The following NRG3 variants were observed in gnomAD, a reference collection of about 807,000 sequenced individuals.
The protein encoded by NRG3 is pro-neuregulin-3, membrane-bound isoform.
A neutral mutation model predicts 66.9 loss-of-function variants in NRG3; 31 were observed. That is an observed-to-expected ratio of 0.46 (90% CI 0.35 to 0.63). The LOEUF is 0.63. Ranked by LOEUF, NRG3 falls within the 20% of genes least tolerant of loss-of-function variation. The probability of loss-of-function intolerance (pLI) is 0.00; values close to 1 mark genes in which losing one functional copy is unlikely to be tolerated. For synonymous variants in NRG3, 393 were observed against 359.4 expected (o/e 1.09, Z -1.06); for missense variants, 910 against 878.9 (o/e 1.04, Z -0.45).
At chr10:82,173,841 G>A (rs1013898020) in intron 1 of NRG3, among the ~76,000 whole-genome samples, 14 of 151,960 alleles carry the variant, frequency 9.2e-5, no homozygotes, top group African/African-American at 2.2e-4. Context: ...ATGTAGCCAC[G>A]GCCTCCTGAC....
intron 1 of NRG3, among the ~76,000 whole-genome samples, chr10:82,282,345 C>A (rs868047907): frequency 6.6e-6 from 1 of 151,996 alleles, no homozygotes; most frequent in African/African-American, 2.4e-5. Context: ...TTCACCTGCA[C>A]TGATGTGATT....
chr10:82,816,244 C>T (rs908336824), intron 3 of NRG3, among the ~76,000 whole-genome samples: 6 of 152,208 alleles, frequency 3.9e-5, no homozygotes, highest in Non-Finnish European at 8.8e-5. Flanking sequence ...TGGCGTATCC[C>T]GAGTTCTTGT....
chr10:82,337,452 T>C (rs1210700846), intron 1 of NRG3, among the ~76,000 whole-genome samples: 1 of 152,354 alleles, frequency 6.6e-6, no homozygotes, highest in Middle Eastern at 3.4e-3. Flanking sequence ...CTATGTGTAA[T>C]ATTTCTATAA....
intron 2 of NRG3, among the ~76,000 whole-genome samples, chr10:82,704,398 A>T (rs1052559406): frequency 5.9e-5 from 9 of 152,196 alleles, no homozygotes; most frequent in Non-Finnish European, 1.3e-4. Context: ...TGGTAGTTAC[A>T]CTAACTATAA....
intron 1 of NRG3, among the ~76,000 whole-genome samples, chr10:82,053,966 C>A (rs2063718450): frequency 6.6e-6 from 1 of 152,120 alleles, no homozygotes; most frequent in African/African-American, 2.4e-5. Context: ...TGTCTGATAT[C>A]TTTAGGGAAC....
chr10:82,026,637 T>G (rs1589828294), intron 1 of NRG3, among the ~76,000 whole-genome samples: 1 of 151,984 alleles, frequency 6.6e-6, no homozygotes, highest in African/African-American at 2.4e-5. Flanking sequence ...TAAATTTTTT[T>G]GTGTGGATTT....
rs74752029 is a variant in NRG3 at position 81,998,697 on chromosome 10, C to T, written c.823+122534C>T. ...AGGACCCAATGAATGTTAATCATCTCCTCTATGCTTTCTCTCCTTTTCTCA... is the reference window on the plus strand; with the variant it reads ...AGGACCCAATGAATGTTAATCATCTTCTCTATGCTTTCTCTCCTTTTCTCA... On this transcript the variant is annotated intron_variant, in intron 1 of 8. Transcript: ENST00000372141. Among the ~76,000 whole-genome samples the T allele has an allele frequency of 4.6e-5, 7 of 152,290 alleles. No homozygotes were observed. The East Asian group carries it at 1.3e-3, about 29-fold the overall frequency.
intron 3 of NRG3, among the ~76,000 whole-genome samples, chr10:82,776,107 G>C (rs2059904345): frequency 6.6e-6 from 1 of 151,982 alleles, no homozygotes; most frequent in Non-Finnish European, 1.5e-5. Flanking sequence ...TTTTTTGTAA[G>C]GCAGTTCTAT....
At chr10:82,523,341 T>C (rs1846381921) in intron 2 of NRG3, among the ~76,000 whole-genome samples, 1 of 152,160 alleles carries the variant, frequency 6.6e-6, no homozygotes, top group Non-Finnish European at 1.5e-5. Flanking sequence ...GCCAAGTTGT[T>C]TTCCAAAGTG....
intron 1 of NRG3, among the ~76,000 whole-genome samples, chr10:82,303,728 C>T (rs780050682): frequency 1.3e-5 from 2 of 151,710 alleles, no homozygotes; most frequent in African/African-American, 4.8e-5. Flanking sequence ...ATTAGCCGGG[C>T]GTGGTGGCGA....
chr10:82,245,996 T>TTG (rs1554859771), intron 1 of NRG3, among the ~76,000 whole-genome samples: 194 of 150,954 alleles, frequency 1.3e-3, no homozygotes, highest in African/African-American at 4.5e-3. Context: ...TTTTTTTTTT[T>TTG]TTTTTAACTC....
intron 1 of NRG3, among the ~76,000 whole-genome samples, chr10:82,343,741 T>A (rs192433924): frequency 6.6e-6 from 1 of 152,246 alleles, no homozygotes; most frequent in African/African-American, 2.4e-5. Context: ...TTTTATTCTA[T>A]ATGGTAACTA....
chr10:82,429,861 T>A (rs575087846), intron 2 of NRG3, among the ~76,000 whole-genome samples: 1 of 152,278 alleles, frequency 6.6e-6, no homozygotes, highest in African/African-American at 2.4e-5. Flanking sequence ...AATGGATCTA[T>A]CTTTAAGTTC....
At chr10:81,898,810 G>A (rs998370244) in intron 1 of NRG3, among the ~76,000 whole-genome samples, 1 of 151,782 alleles carries the variant, frequency 6.6e-6, no homozygotes, top group Non-Finnish European at 1.5e-5. Context: ...ATCAGAGCAT[G>A]AGAAAACATA....
At chr10:82,542,484 T>C (rs1213189005) in intron 2 of NRG3, among the ~76,000 whole-genome samples, 1 of 152,164 alleles carries the variant, frequency 6.6e-6, no homozygotes, top group African/African-American at 2.4e-5. Flanking sequence ...ACAAATCAAA[T>C]GGTAAGGAAT....
chr10:81,970,737 A>G (rs1387908293), intron 1 of NRG3, among the ~76,000 whole-genome samples: 2 of 152,152 alleles, frequency 1.3e-5, no homozygotes, highest in South Asian at 2.1e-4. Context: ...CCAAAACTGC[A>G]TATCTCATCT....
At chr10:82,369,554 C>A (rs2084755036) in intron 2 of NRG3, among the ~76,000 whole-genome samples, 1 of 138,306 alleles carries the variant, frequency 7.2e-6, no homozygotes, top group Admixed American at 6.8e-5. Context: ...CCTTCCTTGG[C>A]TTCCCAAAGT....
chr10:82,588,467 G>A (rs565041837), intron 2 of NRG3, among the ~76,000 whole-genome samples: 3 of 152,008 alleles, frequency 2.0e-5, no homozygotes, highest in Admixed American at 6.6e-5. Flanking sequence ...CTGGAGCCAT[G>A]GTTGTACAGC....
intron 4 of NRG3, among the ~76,000 whole-genome samples, chr10:82,950,374 C>T (rs145505561): frequency 2.6e-5 from 4 of 152,138 alleles, no homozygotes; most frequent in East Asian, 1.9e-4. Flanking sequence ...AGTGTGGAGA[C>T]GATATGGCTG....
Sources: gnomAD v4.1 joint callset for allele counts (sites outside exome capture counted in the v4.1 genomes callset) on GRCh38, gnomAD v4.1.1 for gene constraint, MANE v1.5 for transcripts, NCBI Gene and HGNC (gene_info 2026-07-23, HGNC 2026-07-21) for gene names.